The following CDHR3 variants were observed in gnomAD, a reference collection of about 807,000 sequenced individuals.
CDHR3 encodes the protein cadherin related family member 3.
In CDHR3, 79 loss-of-function variants were observed where a neutral mutation model predicts 86.6. The observed-to-expected ratio is 0.91, with a 90% CI of 0.76 to 1.10. The LOEUF (loss-of-function observed/expected upper bound fraction) is 1.10. Among genes scored for constraint, CDHR3 ranks in the 50% least tolerant of loss-of-function variants. The pLI, the probability that CDHR3 is intolerant of heterozygous loss-of-function variation, is 0.00. For missense variants in CDHR3, 1,081 were observed against 1,077.6 expected, an observed-to-expected ratio of 1.00 and a Z score of -0.04; for synonymous variants, 421 against 402.4, an observed-to-expected ratio of 1.05 and a Z score of -0.55.
In CDHR3 at chr7:106,030,660, T is replaced by C. The variant is rs377179478; in HGVS notation, c.2305-132T>C. On this transcript the variant is annotated intron_variant, in intron 17 of 18. Transcript: ENST00000317716. This position sits in a 1 kb window ranked among gnomAD's most constrained non-coding sequence, Gnocchi z 4.8. The stretch of plus-strand genomic sequence containing the variant: ...TTCATCACTGTGTCCCCTGCATCTA[T>C]CACAGTGCCTAATTAAAGACTTAGA... The C allele has an allele frequency of 1.3e-6, 1 of 755,668 alleles. No homozygotes were observed. The highest frequency in any genetic ancestry group is 2.3e-6 in the Non-Finnish European group (1 of 440,272). 46.8% of individuals were successfully genotyped at this position (755,668 alleles called of 1,614,324 possible). A position where few individuals can be genotyped will look rare whatever the true frequency, so the allele number is the denominator to read the frequency against.
intron 4 of CDHR3, 49 bp downstream of exon 4, chr7:105,984,338 A>G: frequency 6.8e-7 from 1 of 1,460,030 alleles, no homozygotes; most frequent in Non-Finnish European, 9.5e-7. Context: ...GTTGGGTTAG[A>G]CACAGGAGCC....
chr7:105,980,267 T>A (rs1391135917), intron 2 of CDHR3, among the ~76,000 whole-genome samples: 1 of 152,232 alleles, frequency 6.6e-6, no homozygotes, highest in Non-Finnish European at 1.5e-5. Context: ...TATTCTTTTT[T>A]TAAATTTTTT....
At chr7:106,028,686 T>C in intron 17 of CDHR3, 104 bp downstream of exon 17, 1 of 1,235,152 alleles carries the variant, frequency 8.1e-7, no homozygotes, top group Non-Finnish European at 1.2e-6. Flanking sequence ...ATGTTTATCA[T>C]TCAGGGAGGT....
At chr7:105,990,078 G>A (rs1444792543) in intron 4 of CDHR3, among the ~76,000 whole-genome samples, 13 of 152,204 alleles carry the variant, frequency 8.5e-5, no homozygotes, top group South Asian at 2.1e-4. Flanking sequence ...TGCATGTGGG[G>A]TGGGACACTC....
intron 3 of CDHR3, among the ~76,000 whole-genome samples, chr7:105,983,051 C>T (rs1830007231): frequency 6.6e-6 from 1 of 152,088 alleles, no homozygotes. Flanking sequence ...CCTTCCATAG[C>T]CACTTTATTA....
rs774366059 is a variant in CDHR3, at chr7:106,030,787, C to T, written c.2305-5C>T. 6.2e-7 allele frequency: 1 copy of T among 1,609,914 alleles called. No individual in the cohort carries two copies. Among genetic ancestry groups the T allele is most frequent in the Admixed American group, 1.7e-5 (1 of 59,452 alleles). On this transcript the variant is annotated splice_polypyrimidine_tract_variant and splice_region_variant and intron_variant, in intron 17 of 18. Coordinates refer to ENST00000317716, the MANE Select transcript of CDHR3 (RefSeq NM_152750.5). The surrounding 1 kb of genome is among the most constrained non-coding windows in gnomAD (Gnocchi z 4.8). ...TGTTTGATGCTGTCTCTGTCTTCTCCTTAGGAAACTATCCAGATGAACACT... is the reference window on the plus strand; with the variant it reads ...TGTTTGATGCTGTCTCTGTCTTCTCTTTAGGAAACTATCCAGATGAACACT...
intron 12 of CDHR3, 87 bp from the exon 13 acceptor site, chr7:106,020,286 A>T: frequency 8.7e-7 from 1 of 1,153,562 alleles, no homozygotes; most frequent in Non-Finnish European, 1.2e-6. Flanking sequence ...TAATTTATGA[A>T]AAGTGCTTAG....
chr7:106,027,008 C>T (rs1287833077), intron 16 of CDHR3, among the ~76,000 whole-genome samples: 3 of 152,152 alleles, frequency 2.0e-5, no homozygotes, highest in Admixed American at 6.5e-5. Flanking sequence ...AAGAACTCTC[C>T]GTGTGTTAAA....
intron 2 of CDHR3, among the ~76,000 whole-genome samples, chr7:105,979,711 G>A (rs1176137244): frequency 6.6e-6 from 1 of 152,174 alleles, no homozygotes; most frequent in Non-Finnish European, 1.5e-5. Context: ...TGGTGGAGAT[G>A]GAGTTGGAGC....
intron 8 of CDHR3, among the ~76,000 whole-genome samples, chr7:106,011,379 T>C (rs556025624): frequency 3.9e-5 from 6 of 152,102 alleles, no homozygotes; most frequent in African/African-American, 1.4e-4. Flanking sequence ...CCCTCTCTTG[T>C]TACTTTTGGA....
chr7:105,976,036 G>T (rs1435554624), intron 2 of CDHR3, among the ~76,000 whole-genome samples: 2 of 152,164 alleles, frequency 1.3e-5, no homozygotes, highest in Non-Finnish European at 2.9e-5. Flanking sequence ...GGAGCCCTCG[G>T]GGAGGTAAGG....
At position 106,032,532 on chromosome 7, in the gene CDHR3, G is replaced by T. The variant is rs769700850; in HGVS notation, c.2493G>T (p.Gly831=). The change falls in exon 19 of 19, where the codon GGG becomes GGT. Residue 831 remains glycine, a synonymous_variant. Transcript: ENST00000317716. Reference sequence around the variant, plus strand: ...GAGTCACTGCTGGGGAAGGGATGGGGTCACTGAGAAGTGCCAACTGGGAAG... The same window carrying T: ...GAGTCACTGCTGGGGAAGGGATGGGTTCACTGAGAAGTGCCAACTGGGAAG... ...PRRVTAGEGM[G]SLRSANWEED... 13 of 1,613,872 alleles carry T rather than the reference G, an allele frequency of 8.1e-6. No individual in the cohort carries two copies. The highest frequency in any genetic ancestry group is 2.2e-5 in the South Asian group (2 of 91,082).
At chr7:105,981,191 G>A (rs1829682016) in intron 3 of CDHR3, 58 bp downstream of exon 3, 3 of 1,533,996 alleles carry the variant, frequency 2.0e-6, no homozygotes, top group Non-Finnish European at 1.8e-6. Context: ...GAGGGCCCTG[G>A]GGGACAGAGA....
intron 9 of CDHR3, among the ~76,000 whole-genome samples, chr7:106,013,292 C>T (rs960899554): frequency 2.0e-5 from 3 of 152,196 alleles, no homozygotes; most frequent in East Asian, 1.9e-4. Flanking sequence ...TGTGTGCCTG[C>T]TTAGCGTGCC....
At chr7:105,990,868 C>T (rs992971979) in intron 4 of CDHR3, among the ~76,000 whole-genome samples, 2 of 152,160 alleles carry the variant, frequency 1.3e-5, no homozygotes, top group Admixed American at 1.3e-4. Context: ...GGGCCAGCTC[C>T]CTCTCACCTT....
chr7:105,975,009 C>G lies in CDHR3; in HGVS notation c.212C>G (p.Ala71Gly), dbSNP rs944225782. ...QIVNSNPLTE[A>G]FRVNWLSGTY... ...GTCAACTCAAATCCCCTCACTGAAG[C>G]TTTTAGGGTGAATTGGCTGTCAGGC... Residue 71 changes from alanine (A) to glycine (G), a missense_variant, in exon 2 of 19, where the codon GCT becomes GGT. Physicochemically the swap from Ala to Gly is moderately conservative, Grantham distance 60. Coordinates refer to ENST00000317716, the MANE Select transcript of CDHR3 (RefSeq NM_152750.5). 1 of 1,613,962 alleles carries G rather than the reference C, an allele frequency of 6.2e-7. No homozygotes were observed. The highest frequency in any genetic ancestry group is 8.5e-7 in the Non-Finnish European group (1 of 1,179,852).
chr7:106,018,696 T>C lies in CDHR3; in HGVS notation c.1653+624T>C, dbSNP rs142063661. Among the ~76,000 whole-genome samples, 361 of 152,308 alleles carry C rather than the reference T, an allele frequency of 2.4e-3. 1 individual carries two copies. The highest frequency in any genetic ancestry group is 3.9e-3 in the Non-Finnish European group (267 of 68,022). ...CTTTGCCTTCACTGAAGGCTGTTGGTGAAATGCACACTTCCTAGAAGTTGA... is the reference window on the plus strand; with the variant it reads ...CTTTGCCTTCACTGAAGGCTGTTGGCGAAATGCACACTTCCTAGAAGTTGA... On this transcript the variant is annotated intron_variant, in intron 12 of 18. Transcript: ENST00000317716.
intron 2 of CDHR3, among the ~76,000 whole-genome samples, chr7:105,980,610 T>TAA (rs1829550289): frequency 2.3e-5 from 1 of 42,686 alleles, no homozygotes; most frequent in African/African-American, 6.9e-5. Context: ...TTTTTTAATT[T>TAA]TTTTTTTTTT....
Position 106,012,792 on chromosome 7 carries a change from G to T in CDHR3, c.1053-68G>T, listed in dbSNP as rs1330342654. 4 of 1,499,594 alleles carry T rather than the reference G, an allele frequency of 2.7e-6. No homozygotes were observed. The East Asian group carries it at 9.2e-5, about 35-fold the overall frequency. The allele number at this position is 1,499,594 out of a possible 1,614,324, so 92.9% of individuals were successfully genotyped here. ...TTAAAGTAGAGGTGTCTAGCCCAGG[G>T]CCCATGTGAGAAGGAACAGTCGATT... On this transcript the variant is annotated intron_variant, in intron 8 of 18. Coordinates refer to ENST00000317716, the MANE Select transcript of CDHR3 (RefSeq NM_152750.5).
Sources: gnomAD v4.1 joint callset for allele counts (sites outside exome capture counted in the v4.1 genomes callset) on GRCh38, gnomAD v4.1.1 for gene constraint, Gnocchi (gnomAD v3.1) non-coding constraint, MANE v1.5 for transcripts, NCBI Gene and HGNC (gene_info 2026-07-23, HGNC 2026-07-21) for gene names.